PKN2: variants seen among roughly 807,000 people sequenced by gnomAD.
The protein encoded by PKN2 is protein kinase N2, also known as serine/threonine-protein kinase N2.
In PKN2, 38 loss-of-function variants were observed where a neutral mutation model predicts 119.1. That is an observed-to-expected ratio of 0.32 (90% CI 0.25 to 0.42). The LOEUF is 0.42. Among genes scored for constraint, PKN2 ranks in the 10% least tolerant of loss-of-function variants. PKN2 has a pLI of 1.00. For missense variants in PKN2, 850 were observed against 1,165.1 expected, an observed-to-expected ratio of 0.73 and a Z score of 3.94; for synonymous variants, 390 against 384.9, an observed-to-expected ratio of 1.01 and a Z score of -0.15.
At chr1:88,816,438 G>T (rs145255246) in intron 16 of PKN2, among the ~76,000 whole-genome samples, 1 of 150,914 alleles carries the variant, frequency 6.6e-6, no homozygotes, top group African/African-American at 2.5e-5. Context: ...GTAGAGACGG[G>T]GTTTCACTCT....
intron 3 of PKN2, among the ~76,000 whole-genome samples, chr1:88,762,586 T>C (rs1314880614): frequency 6.6e-6 from 1 of 152,200 alleles, no homozygotes; most frequent in East Asian, 1.9e-4. Flanking sequence ...CTCTGGGGTG[T>C]AAGTGTAATA....
chr1:88,713,185 T>C (rs1335999565), intron 1 of PKN2, among the ~76,000 whole-genome samples: 2 of 152,240 alleles, frequency 1.3e-5, no homozygotes, highest in African/African-American at 4.8e-5. Flanking sequence ...TGATGGACAT[T>C]TGGGTTAGTT....
At chr1:88,807,166 AT>A (rs1182077899) in intron 12 of PKN2, 146 bp from the exon 13 acceptor site, 2 of 607,978 alleles carry the variant, frequency 3.3e-6, no homozygotes, top group Non-Finnish European at 5.4e-6. Context: ...AGAAAAAAAA[AT>A]TTTTTTAAAG....
intron 1 of PKN2, among the ~76,000 whole-genome samples, chr1:88,739,311 G>GA (rs5776000): frequency 0.69 from 103,291 of 150,152 alleles, 36,390 homozygotes; most frequent in African/African-American, 0.85. Context: ...ATCTCTACCA[G>GA]AAAAAAAAAG....
chr1:88,804,970 A>G (rs753888630), intron 10 of PKN2, 49 bp downstream of exon 10: 14 of 875,712 alleles, frequency 1.6e-5, no homozygotes, highest in Non-Finnish European at 2.4e-5. Flanking sequence ...TTCTTAAACA[A>G]TCTAATTACC....
chr1:88,684,464 G>GT lies in PKN2; in HGVS notation c.-115dup. ...GGGGCTGCGCCTCCATGAATCCCTAGTTGTTTTTTTTTTTTTCTTTCTCTC... is the reference window on the plus strand; with the variant it reads ...GGGGCTGCGCCTCCATGAATCCCTAGTTTGTTTTTTTTTTTTTCTTTCTCTC... On this transcript the variant is annotated 5_prime_UTR_variant, in exon 1 of 22. Coordinates refer to ENST00000370521, the MANE Select transcript of PKN2 (RefSeq NM_006256.4). The GT allele has an allele frequency of 1.2e-6, 1 of 860,478 alleles. No individual in the cohort carries two copies. The highest frequency in any genetic ancestry group is 1.7e-6 in the Non-Finnish European group (1 of 578,674). 53.3% of individuals were successfully genotyped at this position (860,478 alleles called of 1,614,324 possible).
intron 16 of PKN2, among the ~76,000 whole-genome samples, chr1:88,817,669 A>G (rs1042986396): frequency 6.6e-6 from 1 of 151,630 alleles, no homozygotes; most frequent in Non-Finnish European, 1.5e-5. Flanking sequence ...AGATCGCGCC[A>G]CAGCACTCCA....
intron 1 of PKN2, among the ~76,000 whole-genome samples, chr1:88,736,125 C>T (rs150872594): frequency 2.0e-5 from 3 of 152,262 alleles, no homozygotes; most frequent in African/African-American, 7.2e-5. Flanking sequence ...ATATTCTCTA[C>T]TGCATTCATT....
intron 1 of PKN2, among the ~76,000 whole-genome samples, chr1:88,730,315 C>G (rs1668095579): frequency 6.6e-6 from 1 of 151,994 alleles, no homozygotes. Flanking sequence ...CCATCAGGGA[C>G]CCAGAAACAA....
At position 88,730,037 on chromosome 1, in the gene PKN2, C is replaced by T. The variant is rs527752078; in HGVS notation, c.49-10951C>T. Among the ~76,000 whole-genome samples, 5 of 151,972 alleles carry T rather than the reference C, an allele frequency of 3.3e-5. No individual in the cohort carries two copies. In the East Asian group the frequency reaches 7.7e-4, roughly 24 times the overall value. ...AAAATTAGCCGGGTGTGGTGGTGGG[C>T]GCCTGTAGTCCCAGCTACTCCGGAG... On this transcript the variant is annotated intron_variant, in intron 1 of 21. Transcript: ENST00000370521.
intron 2 of PKN2, among the ~76,000 whole-genome samples, chr1:88,752,163 A>T (rs546547140): frequency 9.0e-4 from 137 of 152,164 alleles, no homozygotes; most frequent in African/African-American, 2.7e-3. Context: ...GGAACTTTAG[A>T]TGCATATTAA....
chr1:88,690,805 A>G (rs1179962764), intron 1 of PKN2, among the ~76,000 whole-genome samples: 1 of 152,202 alleles, frequency 6.6e-6, no homozygotes, highest in African/African-American at 2.4e-5. Flanking sequence ...GTACTTGATG[A>G]CAGTAAACAC....
chr1:88,713,233 A>G (rs1029753950), intron 1 of PKN2, among the ~76,000 whole-genome samples: 4 of 152,214 alleles, frequency 2.6e-5, no homozygotes, highest in Non-Finnish European at 5.9e-5. Flanking sequence ...TGCAATAAAC[A>G]TACATGTGCA....
rs180996206 is a variant in PKN2, at chr1:88,732,605, A to G, written c.49-8383A>G. Among the ~76,000 whole-genome samples, 27 of 152,278 alleles carry G rather than the reference A, an allele frequency of 1.8e-4. No homozygotes were observed. The East Asian group carries it at 3.3e-3, about 18-fold the overall frequency. ...TTATAAGGGAGTCTGTCTGTGCCCA[A>G]TACAGTGCATTGAACATATTATTAA... is the stretch of plus-strand genomic sequence containing the variant. On this transcript the variant is annotated intron_variant, in intron 1 of 21. Transcript: ENST00000370521.
intron 1 of PKN2, 95 bp downstream of exon 1, chr1:88,684,723 G>A: frequency 1.8e-6 from 2 of 1,096,138 alleles, no homozygotes; most frequent in Non-Finnish European, 2.5e-6. Context: ...TGCGGCCGCC[G>A]CGCCCCTAGC....
intron 8 of PKN2, among the ~76,000 whole-genome samples, chr1:88,803,159 G>T (rs1424125233): frequency 6.6e-6 from 1 of 152,042 alleles, no homozygotes; most frequent in East Asian, 1.9e-4. Flanking sequence ...GAGGTGGAAG[G>T]CCCTGAGATC....
chr1:88,787,630 C>T (rs1670634955), intron 8 of PKN2, among the ~76,000 whole-genome samples: 1 of 152,172 alleles, frequency 6.6e-6, no homozygotes, highest in African/African-American at 2.4e-5. Context: ...TTTTAAATTA[C>T]CTAAACTACA....
intron 17 of PKN2, among the ~76,000 whole-genome samples, chr1:88,823,351 T>C (rs1672370126): frequency 1.3e-5 from 2 of 152,198 alleles, no homozygotes. Context: ...GATGCCTTAT[T>C]AATACTGTTA....
At chr1:88,699,440 G>T (rs1158772566) in intron 1 of PKN2, among the ~76,000 whole-genome samples, 1 of 151,842 alleles carries the variant, frequency 6.6e-6, no homozygotes, top group African/African-American at 2.4e-5. Context: ...TCAAGTTCTG[G>T]GGTGCGTGTG....
Sources: gnomAD v4.1 joint callset for allele counts (sites outside exome capture counted in the v4.1 genomes callset) on GRCh38, gnomAD v4.1.1 for gene constraint, MANE v1.5 for transcripts, NCBI Gene and HGNC (gene_info 2026-07-23, HGNC 2026-07-21) for gene names.